PRUNE2: variants seen among roughly 807,000 people sequenced by gnomAD.
PRUNE2 encodes the protein protein prune homolog 2.
In PRUNE2, 164 loss-of-function variants were observed where a neutral mutation model predicts 252.0. The observed-to-expected ratio is 0.65, with a 90% confidence interval of 0.57 to 0.74. The LOEUF is 0.74. PRUNE2 is among the 30% of genes least tolerant of loss of function. The probability of loss-of-function intolerance (pLI) is 0.00; values close to 1 mark genes in which losing one functional copy is unlikely to be tolerated. For missense variants in PRUNE2, 3,495 were observed against 3,711.0 expected, an observed-to-expected ratio of 0.94 and a Z score of 1.51; for synonymous variants, 1,292 against 1,350.2, an observed-to-expected ratio of 0.96 and a Z score of 0.94.
intron 1 of PRUNE2, among the ~76,000 whole-genome samples, chr9:76,905,585 C>T (rs770653194): frequency 2.6e-5 from 4 of 152,208 alleles, no homozygotes; most frequent in Admixed American, 6.5e-5. Context: ...CTGCAGAAGG[C>T]TGGGCTCTTT....
At chr9:76,838,167 T>TC (rs975757836) in intron 4 of PRUNE2, among the ~76,000 whole-genome samples, 7 of 151,792 alleles carry the variant, frequency 4.6e-5, no homozygotes, top group Non-Finnish European at 8.8e-5. Flanking sequence ...ACCTTTTTTT[T>TC]TCTCTTTTAT....
intron 9 of PRUNE2, among the ~76,000 whole-genome samples, chr9:76,689,172 A>G: frequency 6.6e-6 from 1 of 152,208 alleles, no homozygotes; most frequent in Non-Finnish European, 1.5e-5. Context: ...TATCATATGC[A>G]TTTCTTAGGG....
At chr9:76,794,628 AAAG>A (rs1218325059) in intron 6 of PRUNE2, among the ~76,000 whole-genome samples, 1 of 141,842 alleles carries the variant, frequency 7.1e-6, no homozygotes, top group African/African-American at 3.0e-5. Flanking sequence ...AAAAAAAAAA[AAAG>A]AAAAGAAAAG....
At chr9:76,662,753 T>C (rs926939662) in intron 9 of PRUNE2, among the ~76,000 whole-genome samples, 1 of 152,152 alleles carries the variant, frequency 6.6e-6, no homozygotes, top group Non-Finnish European at 1.5e-5. Flanking sequence ...GGTCATGACA[T>C]GGGGTCCATT....
intron 4 of PRUNE2, among the ~76,000 whole-genome samples, chr9:76,844,664 T>A (rs1413387598): frequency 1.3e-5 from 2 of 152,086 alleles, no homozygotes; most frequent in Non-Finnish European, 2.9e-5. Flanking sequence ...CTTTCCACCA[T>A]AAGAAGCCCC....
At position 76,658,589 on chromosome 9, in the gene PRUNE2, C is replaced by G. The variant is rs528710315; in HGVS notation, c.8277-3087G>C. On this transcript the variant is annotated intron_variant, in intron 9 of 18. Coordinates refer to ENST00000376718, the MANE Select transcript of PRUNE2 (RefSeq NM_015225.3). ...CAGTTTTGTGATCAGTAACTGAAGC[C>G]TCTCAAGATCTGTTAGGTAACAAAC... Among the ~76,000 whole-genome samples, 7 of 152,344 alleles carry G rather than the reference C, an allele frequency of 4.6e-5. No individual in the cohort carries two copies. In the South Asian group the frequency reaches 1.4e-3, roughly 32 times the overall value.
chr9:76,837,521 T>A (rs1298964442), intron 4 of PRUNE2, among the ~76,000 whole-genome samples: 4 of 151,032 alleles, frequency 2.6e-5, no homozygotes, highest in East Asian at 1.9e-4. Flanking sequence ...GCAGGAAGTA[T>A]CTGACATGCT....
At chr9:76,888,311 G>T (rs949692002) in intron 1 of PRUNE2, among the ~76,000 whole-genome samples, 15 of 152,206 alleles carry the variant, frequency 9.9e-5, no homozygotes, top group Non-Finnish European at 1.8e-4. Flanking sequence ...GGGCACGGTG[G>T]CTCACGCCTG....
intron 8 of PRUNE2, 112 bp downstream of exon 8, chr9:76,704,649 G>A (rs958960873): frequency 4.0e-6 from 3 of 745,326 alleles, no homozygotes; most frequent in Admixed American, 5.9e-5. Flanking sequence ...CCTTGAAAAT[G>A]TAGTTAGTTT....
At chr9:76,684,876 C>T (rs763049162) in intron 9 of PRUNE2, among the ~76,000 whole-genome samples, 26 of 152,096 alleles carry the variant, frequency 1.7e-4, no homozygotes, top group Non-Finnish European at 3.2e-4. Context: ...ATCAGCCTCC[C>T]GAGTAGCTGG....
At chr9:76,652,372 A>T in intron 11 of PRUNE2, 111 bp downstream of exon 11, 1 of 753,666 alleles carries the variant, frequency 1.3e-6, no homozygotes, top group Admixed American at 2.3e-5. Flanking sequence ...ATAAAAACAG[A>T]AGCTTCTAGA....
chr9:76,663,162 A>G (rs778734505), intron 9 of PRUNE2, among the ~76,000 whole-genome samples: 2 of 152,220 alleles, frequency 1.3e-5, no homozygotes, highest in Admixed American at 6.5e-5. Flanking sequence ...CACTTTGCCT[A>G]ATCAAGCTAA....
chr9:76,646,870 C>A (rs146408026), intron 11 of PRUNE2, among the ~76,000 whole-genome samples: 4,846 of 152,232 alleles, frequency 0.032, 103 homozygotes, highest in Non-Finnish European at 0.049. Flanking sequence ...TTATTTTCTG[C>A]AAATTTTATT....
chr9:76,642,791 A>T (rs541410892), intron 12 of PRUNE2, among the ~76,000 whole-genome samples: 1 of 152,366 alleles, frequency 6.6e-6, no homozygotes, highest in South Asian at 2.1e-4. Flanking sequence ...CTTTACCTAC[A>T]GAGCACAAAA....
chr9:76,716,164 G>A (rs989860853), intron 6 of PRUNE2, among the ~76,000 whole-genome samples: 2 of 152,162 alleles, frequency 1.3e-5, no homozygotes, highest in African/African-American at 4.8e-5. Flanking sequence ...AATCAACACT[G>A]TTCAAAGCCA....
intron 6 of PRUNE2, among the ~76,000 whole-genome samples, chr9:76,733,894 TA>T: frequency 6.6e-6 from 1 of 152,092 alleles, no homozygotes; most frequent in South Asian, 2.1e-4. Context: ...GATTTTTTTT[TA>T]AAGCAGTCTG....
In PRUNE2 at chr9:76,685,978, T is replaced by C. The variant is rs545644086; in HGVS notation, c.8276+17359A>G. ...CCTTGACACTGGGAGAAAGAGGTCA[T>C]CCCGCTTACTTACATGTATCCTGCT... On this transcript the variant is annotated intron_variant, in intron 9 of 18. Coordinates refer to ENST00000376718, the MANE Select transcript of PRUNE2 (RefSeq NM_015225.3). Among the ~76,000 whole-genome samples, 5 of 152,288 alleles carry C rather than the reference T, an allele frequency of 3.3e-5. No individual in the cohort carries two copies. The East Asian group carries it at 9.7e-4, about 29-fold the overall frequency.
intron 1 of PRUNE2, among the ~76,000 whole-genome samples, chr9:76,871,575 T>C (rs1006891239): frequency 6.6e-6 from 1 of 152,228 alleles, no homozygotes; most frequent in Non-Finnish European, 1.5e-5. Context: ...CCATTTTATA[T>C]GTGTTTTTAA....
At chr9:76,616,495 G>C (rs1274738569) in intron 18 of PRUNE2, among the ~76,000 whole-genome samples, 2 of 152,130 alleles carry the variant, frequency 1.3e-5, no homozygotes, top group African/African-American at 4.8e-5. Context: ...AATAGTCTTG[G>C]AAGCTTAAAA....
Sources: allele counts gnomAD v4.1 joint callset (sites outside exome capture counted in the v4.1 genomes callset), GRCh38; gene constraint gnomAD v4.1.1; transcripts MANE v1.5; gene names NCBI Gene and HGNC (gene_info 2026-07-23, HGNC 2026-07-21).